The following ENOSF1 variants were observed in gnomAD, a reference collection of about 807,000 sequenced individuals.
The protein encoded by ENOSF1 is enolase superfamily member 1.
Under a neutral mutation model 68.2 loss-of-function variants are expected in ENOSF1, and 73 were observed. The ratio of observed to expected loss-of-function variants is 1.07; its 90% confidence interval spans 0.89 to 1.30. The LOEUF is 1.30. ENOSF1 is among the 50% of genes most tolerant of loss of function. ENOSF1 has a pLI of 0.00. For synonymous variants in ENOSF1, 223 were observed against 210.4 expected, an observed-to-expected ratio of 1.06 and a Z score of -0.52; for missense variants, 589 against 554.5, an observed-to-expected ratio of 1.06 and a Z score of -0.62.
chr18:675,602 G>T, intron 14 of ENOSF1, 200 bp from the exon 15 acceptor site: 1 of 575,158 alleles, frequency 1.7e-6, no homozygotes, highest in South Asian at 2.1e-5. Context: ...AATGTGAGGT[G>T]GGGACTTTGA....
intron 2 of ENOSF1, among the ~76,000 whole-genome samples, chr18:699,656 T>C (rs2078110181): frequency 6.6e-6 from 1 of 152,218 alleles, no homozygotes; most frequent in South Asian, 2.1e-4. Flanking sequence ...AAGGAATGTA[T>C]TCCAAAACGT....
intron 11 of ENOSF1, 127 bp downstream of exon 11, chr18:683,119 T>C: frequency 8.7e-7 from 1 of 1,146,358 alleles, no homozygotes; most frequent in Non-Finnish European, 1.2e-6. Context: ...CACATTACAA[T>C]TATTTCAGCT....
chr18:668,858 T>G (rs2074916915), downstream of ENOSF1, among the ~76,000 whole-genome samples: 1 of 151,912 alleles, frequency 6.6e-6, no homozygotes, highest in African/African-American at 2.4e-5. Context: ...AAAAAGACTT[T>G]GTTAGGGCTC....
downstream of ENOSF1, among the ~76,000 whole-genome samples, chr18:667,020 TGGA>T (rs2074846648): frequency 7.4e-4 from 5 of 6,770 alleles, no homozygotes; most frequent in South Asian, 5.2e-3. Flanking sequence ...GTGATGGAGA[TGGA>T]GATGGTGATG....
In ENOSF1 at chr18:670,601, T is replaced by C. The variant is rs2074997852; in HGVS notation, c.*3704A>G. 4.3e-6 allele frequency: 6 copies of C among 1,402,804 alleles called. No individual in the cohort carries two copies. The highest frequency in any genetic ancestry group is 5.9e-6 in the Non-Finnish European group (6 of 1,015,368). The allele number at this position is 1,402,804 out of a possible 1,614,324, so 86.9% of individuals were successfully genotyped here. ...TCTCTCCTGGTCTCCACCATATGAG[T>C]TGGCTTCTGTTTCTCTCCTGTTTTA... On this transcript the variant is annotated 3_prime_UTR_variant, in exon 16 of 16. Coordinates refer to ENST00000647584, the MANE Select transcript of ENOSF1 (RefSeq NM_017512.7).
intron 5 of ENOSF1, chr18:692,207 A>G (rs2077258653): frequency 6.6e-6 from 1 of 152,240 alleles, no homozygotes; most frequent in Non-Finnish European, 1.5e-5. Context: ...AGTCAGTTGG[A>G]AAACAGCCAG....
At chr18:711,085 G>C (rs1413689325) in intron 1 of ENOSF1, among the ~76,000 whole-genome samples, 1 of 152,102 alleles carries the variant, frequency 6.6e-6, no homozygotes. Context: ...TGGGAGGATT[G>C]GTTGAGTCAG....
At chr18:678,663 G>T (rs764496840) in intron 12 of ENOSF1, 33 bp downstream of exon 12, 1 of 1,611,618 alleles carries the variant, frequency 6.2e-7, no homozygotes, top group Non-Finnish European at 8.5e-7. Flanking sequence ...GACCCCAAGG[G>T]GACGTCATCC....
Position 696,856 on chromosome 18 carries a change from C to T in ENOSF1, c.309+384G>A, listed in dbSNP as rs537105408. ...TCTAGGATGGGCATGGTGGCTCACACCTGTAATCCCAGCACTTTGGGAGGC... is the reference window on the plus strand; with the variant it reads ...TCTAGGATGGGCATGGTGGCTCACATCTGTAATCCCAGCACTTTGGGAGGC... On this transcript the variant is annotated intron_variant, in intron 3 of 15. Coordinates refer to ENST00000647584, the MANE Select transcript of ENOSF1 (RefSeq NM_017512.7). Among the ~76,000 whole-genome samples, 4 of 152,148 alleles carry T rather than the reference C, an allele frequency of 2.6e-5. No homozygotes were observed. The South Asian group carries it at 8.3e-4, about 32-fold the overall frequency.
chr18:712,590 C>A lies in ENOSF1; in HGVS notation c.-3G>T. ...CGGGAGATCCTGCCGCGCACCATGG[C>A]CCCTGCGCCCCGTGGCCGCGGCCCC... On this transcript the variant is annotated 5_prime_UTR_variant, in exon 1 of 16. Transcript: ENST00000647584. 5 of 1,534,712 alleles carry A rather than the reference C, an allele frequency of 3.3e-6. No homozygotes were observed. The highest frequency in any genetic ancestry group is 4.4e-6 in the Non-Finnish European group (5 of 1,144,400).
chr18:693,242 T>G (rs1476385112), intron 5 of ENOSF1: 1 of 1,288,814 alleles, frequency 7.8e-7, no homozygotes, highest in East Asian at 5.5e-5. Flanking sequence ...AGTGTTGAGC[T>G]CCTTCCCTGC....
intron 5 of ENOSF1, 34 bp from the exon 6 acceptor site, chr18:691,310 T>G (rs200325092): frequency 3.9e-6 from 6 of 1,552,884 alleles, no homozygotes; most frequent in Non-Finnish European, 5.3e-6. Flanking sequence ...GAGGCCTGAA[T>G]CAATTATAAG....
chr18:677,586 T>G (rs1052836541), intron 13 of ENOSF1, 142 bp from the exon 14 acceptor site: 2 of 1,284,292 alleles, frequency 1.6e-6, no homozygotes, highest in Non-Finnish European at 2.1e-6. Flanking sequence ...AAGATGAAAA[T>G]CATCAAAAAT....
chr18:696,204 C>CTT (rs368856668), intron 3 of ENOSF1, among the ~76,000 whole-genome samples: 26,251 of 118,356 alleles, frequency 0.22, 3,642 homozygotes, highest in East Asian at 0.49. Context: ...ACATCTCTCT[C>CTT]TTTTTTTTTT....
intron 14 of ENOSF1, chr18:675,627 G>T (rs568342290): frequency 1.8e-6 from 1 of 546,754 alleles, no homozygotes. Context: ...ATGAACACAC[G>T]AAGTCCCTCT....
downstream of ENOSF1, among the ~76,000 whole-genome samples, chr18:666,957 A>C (rs373128618): frequency 0.012 from 272 of 22,818 alleles, 52 homozygotes; most frequent in African/African-American, 0.069. Flanking sequence ...ATGGTGATGG[A>C]GATGGAGATG....
chr18:683,081 G>C, intron 11 of ENOSF1, 165 bp downstream of exon 11: 1 of 794,036 alleles, frequency 1.3e-6, no homozygotes, highest in Non-Finnish European at 2.0e-6. Flanking sequence ...AAAAAGGAAT[G>C]TCAGGTCTGT....
At chr18:694,546 C>T (rs1414397702) in intron 3 of ENOSF1, among the ~76,000 whole-genome samples, 2 of 151,110 alleles carry the variant, frequency 1.3e-5, no homozygotes, top group Admixed American at 6.6e-5. Flanking sequence ...GAGGATCTCT[C>T]GAACCCAGAA....
chr18:680,716 TGTCGC>T (rs2075996807), intron 11 of ENOSF1, among the ~76,000 whole-genome samples: 1 of 149,222 alleles, frequency 6.7e-6, no homozygotes, highest in Non-Finnish European at 1.5e-5. Context: ...AGTATTGCTC[TGTCGC>T]CCAGGCTGGA....
Sources: allele counts gnomAD v4.1 joint callset (sites outside exome capture counted in the v4.1 genomes callset), GRCh38; gene constraint gnomAD v4.1.1; transcripts MANE v1.5; gene names NCBI Gene and HGNC (gene_info 2026-07-23, HGNC 2026-07-21).